The following RTF2 variants were observed in gnomAD, a reference collection of about 807,000 sequenced individuals.
RTF2 encodes the protein replication termination factor 2.
A neutral mutation model predicts 38.0 loss-of-function variants in RTF2; 18 were observed. The observed-to-expected ratio is 0.47, with a 90% confidence interval of 0.33 to 0.70. The LOEUF is 0.70. Ranked by LOEUF, RTF2 falls within the 30% of genes least tolerant of loss-of-function variation. The probability of loss-of-function intolerance (pLI) is 0.02; values close to 1 mark genes in which losing one functional copy is unlikely to be tolerated. For synonymous variants in RTF2, 126 were observed against 137.1 expected, an observed-to-expected ratio of 0.92 and a Z score of 0.57; for missense variants, 311 against 379.6, an observed-to-expected ratio of 0.82 and a Z score of 1.50.
chr20:56,496,269 C>T (rs960005375), intron 5 of RTF2, among the ~76,000 whole-genome samples: 6 of 152,098 alleles, frequency 3.9e-5, no homozygotes, highest in East Asian at 1.9e-4. Context: ...ATCTTATGGC[C>T]GGGCGTGGTG....
rs1265476025 is a variant in RTF2 at position 56,487,440 on chromosome 20, G to T, written c.477+3251G>T. On this transcript the variant is annotated intron_variant, in intron 5 of 8. Transcript: ENST00000357348. ...GAGACCAGGTGACGAACAGGAGCGA[G>T]CGTAGGCTCCTCCCGGCTCCTCGTG... 3.3e-5 allele frequency among the ~76,000 whole-genome samples: 5 copies of T among 152,352 alleles called. No individual in the cohort carries two copies. The East Asian group carries it at 7.7e-4, about 24-fold the overall frequency.
intron 5 of RTF2, among the ~76,000 whole-genome samples, chr20:56,489,080 G>A (rs544831060): frequency 1.4e-3 from 212 of 151,960 alleles, no homozygotes; most frequent in African/African-American, 4.5e-3. Flanking sequence ...TTTTTAGATG[G>A]AGTCTTGCTC....
At chr20:56,491,286 G>C (rs1266108337) in intron 5 of RTF2, among the ~76,000 whole-genome samples, 1 of 152,096 alleles carries the variant, frequency 6.6e-6, no homozygotes, top group Admixed American at 6.5e-5. Context: ...GAGAATTTGG[G>C]TTTTCAGCAG....
intron 4 of RTF2, among the ~76,000 whole-genome samples, chr20:56,480,137 C>G (rs897019418): frequency 6.6e-6 from 1 of 152,174 alleles, no homozygotes; most frequent in African/African-American, 2.4e-5. Flanking sequence ...GCTATTTTAT[C>G]TACACTAAAA....
intron 5 of RTF2, among the ~76,000 whole-genome samples, chr20:56,506,995 T>C (rs6099178): frequency 0.37 from 56,405 of 152,000 alleles, 11,187 homozygotes; most frequent in Non-Finnish European, 0.45. Context: ...CCACCGCGCC[T>C]GGCCGTATTA....
chr20:56,508,579 A>T (rs1222850858), intron 5 of RTF2, among the ~76,000 whole-genome samples: 3 of 152,116 alleles, frequency 2.0e-5, no homozygotes, highest in East Asian at 3.9e-4. Context: ...TAGATATTAG[A>T]AAGATAAATT....
At chr20:56,512,701 C>T (rs1472634768) in intron 5 of RTF2, among the ~76,000 whole-genome samples, 1 of 152,172 alleles carries the variant, frequency 6.6e-6, no homozygotes, top group Non-Finnish European at 1.5e-5. Flanking sequence ...AACTAACATT[C>T]ACTGCAGCAG....
chr20:56,496,949 G>A, intron 5 of RTF2: 1 of 1,551,298 alleles, frequency 6.4e-7, no homozygotes, highest in Non-Finnish European at 8.7e-7. Context: ...TGCTTCTGAT[G>A]TAGTGTATGA....
At chr20:56,509,133 A>G (rs945057234) in intron 5 of RTF2, among the ~76,000 whole-genome samples, 1 of 152,260 alleles carries the variant, frequency 6.6e-6, no homozygotes, top group African/African-American at 2.4e-5. Flanking sequence ...ACCTCTTAGA[A>G]CGCAACATCA....
intron 5 of RTF2, chr20:56,496,647 C>T (rs756905265): frequency 3.0e-5 from 45 of 1,492,546 alleles, no homozygotes; most frequent in South Asian, 9.4e-5. Context: ...ACCTTTTAGT[C>T]GGTTCAGGGT....
rs1985184636 is a variant in RTF2, at chr20:56,518,361, C to T, written c.*96C>T. 2.4e-6 allele frequency: 3 copies of T among 1,251,876 alleles called. No homozygotes were observed. Among genetic ancestry groups the T allele is most frequent in the South Asian group, 2.9e-5 (2 of 69,380 alleles). The allele number at this position is 1,251,876 out of a possible 1,614,324, so 77.5% of individuals were successfully genotyped here. A position where few individuals can be genotyped will look rare whatever the true frequency, so the allele number is the denominator to read the frequency against. ...CTGAGTGCGCTGCTGTGTGTTCTCTCTATAGTTCTGTGTCATAAAGCTGTC... is the reference window on the plus strand; with the variant it reads ...CTGAGTGCGCTGCTGTGTGTTCTCTTTATAGTTCTGTGTCATAAAGCTGTC... On this transcript the variant is annotated 3_prime_UTR_variant, in exon 9 of 9. Coordinates refer to ENST00000357348, the MANE Select transcript of RTF2 (RefSeq NM_016407.5).
At chr20:56,503,897 G>C (rs1984090530) in intron 5 of RTF2, among the ~76,000 whole-genome samples, 1 of 152,168 alleles carries the variant, frequency 6.6e-6, no homozygotes, top group Non-Finnish European at 1.5e-5. Flanking sequence ...GAAATCAGGA[G>C]GCAGAGGTTG....
chr20:56,469,274 T>C (rs555241132), intron 1 of RTF2, among the ~76,000 whole-genome samples: 1 of 152,256 alleles, frequency 6.6e-6, no homozygotes, highest in Non-Finnish European at 1.5e-5. Context: ...TTGTATCAAG[T>C]CTTCCCCGCT....
chr20:56,517,145 A>G lies in RTF2; in HGVS notation c.686A>G (p.Glu229Gly). Reference sequence around the variant, plus strand: ...TCAAAAGTTAAGACAGGGAAGCCTGAAGAAGCCAGCCTTGATTCTAGAGAG... The same window carrying G: ...TCAAAAGTTAAGACAGGGAAGCCTGGAGAAGCCAGCCTTGATTCTAGAGAG... Reference protein sequence around the residue: ...GPSKVKTGKPEEASLDSREKK... With the variant: ...GPSKVKTGKPGEASLDSREKK... Residue 229 changes from glutamate (E) to glycine (G), a missense_variant, in exon 8 of 9, where the codon GAA becomes GGA. Transcript: ENST00000357348. 6.2e-7 allele frequency: 1 copy of G among 1,614,192 alleles called. No homozygotes were observed. The highest frequency in any genetic ancestry group is 1.1e-5 in the South Asian group (1 of 91,086).
intron 5 of RTF2, among the ~76,000 whole-genome samples, chr20:56,498,078 T>C (rs1045041474): frequency 2.0e-5 from 3 of 148,138 alleles, no homozygotes; most frequent in African/African-American, 5.0e-5. Flanking sequence ...TGACTAATGA[T>C]GTTGAGCATA....
chr20:56,492,232 C>G (rs1325154486), intron 5 of RTF2, among the ~76,000 whole-genome samples: 2 of 151,646 alleles, frequency 1.3e-5, no homozygotes, highest in East Asian at 2.0e-4. Context: ...CATGCACCAC[C>G]ATGCCCAGCT....
chr20:56,502,016 G>C (rs971913183), intron 5 of RTF2, among the ~76,000 whole-genome samples: 96 of 152,278 alleles, frequency 6.3e-4, no homozygotes, highest in African/African-American at 2.2e-3. Context: ...TTGAAAGGTA[G>C]CATTGTTAAA....
At chr20:56,473,245 G>A in intron 1 of RTF2, 56 bp from the exon 2 acceptor site, 4 of 1,257,390 alleles carry the variant, frequency 3.2e-6, no homozygotes, top group Non-Finnish European at 4.7e-6. Flanking sequence ...ATGTAGAATT[G>A]TGAACCATGT....
At chr20:56,477,541 T>C (rs1263467974) in intron 4 of RTF2, among the ~76,000 whole-genome samples, 1 of 152,096 alleles carries the variant, frequency 6.6e-6, no homozygotes. Context: ...TTTTATAGTT[T>C]TATTTTTATC....
Sources: gnomAD v4.1 joint callset for allele counts (sites outside exome capture counted in the v4.1 genomes callset) on GRCh38, gnomAD v4.1.1 for gene constraint, MANE v1.5 for transcripts, NCBI Gene and HGNC (gene_info 2026-07-23, HGNC 2026-07-21) for gene names.